COL4A6: variants seen among roughly 807,000 people sequenced by gnomAD.
COL4A6 encodes the protein collagen alpha-6(IV) chain.
A neutral mutation model predicts 126.7 loss-of-function variants in COL4A6; 59 were observed. The ratio of observed to expected loss-of-function variants is 0.47; its 90% CI spans 0.38 to 0.58. The LOEUF is 0.58. COL4A6 is among the 20% of genes least tolerant of loss of function. The pLI, the probability that COL4A6 is intolerant of heterozygous loss-of-function variation, is 0.00. For missense variants in COL4A6, 1,285 were observed against 1,337.3 expected, an observed-to-expected ratio of 0.96 and a Z score of 0.61; for synonymous variants, 547 against 496.6, an observed-to-expected ratio of 1.10 and a Z score of -1.35.
At chrX:108,294,558 T>C (rs1569412367) in intron 3 of COL4A6, among the ~76,000 whole-genome samples, 1 of 110,034 alleles carries the variant, frequency 9.1e-6, no homozygotes, top group African/African-American at 3.3e-5. Context: ...ATTGTTCCCT[T>C]TGGTGTTCCT....
intron 2 of COL4A6, among the ~76,000 whole-genome samples, chrX:108,411,204 A>G (rs2041320160): frequency 9.2e-6 from 1 of 108,148 alleles, no homozygotes; most frequent in East Asian, 2.8e-4. Context: ...AGTAAATCAT[A>G]ATTACATACA....
chrX:108,193,479 C>T, intron 17 of COL4A6, 149 bp downstream of exon 17: 3 of 471,724 alleles, frequency 6.4e-6, no homozygotes, highest in South Asian at 7.9e-5. Context: ...TAGCTTTATT[C>T]CCCAAGCTCA....
chrX:108,257,731 A>T (rs1232741224), intron 3 of COL4A6, among the ~76,000 whole-genome samples: 1 of 110,662 alleles, frequency 9.0e-6, no homozygotes, highest in African/African-American at 3.3e-5. Flanking sequence ...TCTCTTGCAT[A>T]TTTAATACGA....
At chrX:108,239,348 G>GGTGAC (rs2036516616) in intron 3 of COL4A6, among the ~76,000 whole-genome samples, 1 of 112,015 alleles carries the variant, frequency 8.9e-6, no homozygotes, top group Admixed American at 9.4e-5. Flanking sequence ...TCTATCCAGA[G>GGTGAC]GTCACCTTTG....
chrX:108,189,001 G>A (rs1648576857), intron 20 of COL4A6, among the ~76,000 whole-genome samples: 1 of 112,230 alleles, frequency 8.9e-6, no homozygotes, highest in African/African-American at 3.2e-5. Flanking sequence ...CTTTTCCCCT[G>A]ACTTTTGTAC....
At chrX:108,206,667 A>C (rs1425307673) in intron 8 of COL4A6, 87 bp from the exon 9 acceptor site, 1 of 783,296 alleles carries the variant, frequency 1.3e-6, no homozygotes, top group African/African-American at 2.0e-5. Flanking sequence ...GAACTGTACA[A>C]GAATGTTCAT....
chrX:108,393,503 T>C (rs1190906099), intron 2 of COL4A6, among the ~76,000 whole-genome samples: 1 of 111,949 alleles, frequency 8.9e-6, no homozygotes, highest in Non-Finnish European at 1.9e-5. Context: ...GAGGGATCAT[T>C]GCCCACAGCT....
At chrX:108,253,051 A>G (rs994173748) in intron 3 of COL4A6, among the ~76,000 whole-genome samples, 4 of 111,817 alleles carry the variant, frequency 3.6e-5, no homozygotes, top group African/African-American at 6.5e-5. Context: ...GCTGAATGAA[A>G]AAAAGTTGAA....
intron 3 of COL4A6, chrX:108,269,287 C>G (rs964986029): frequency 7.7e-6 from 2 of 258,075 alleles, no homozygotes; most frequent in East Asian, 1.1e-4. Context: ...CAGTGCAGAT[C>G]AGCTGGAAAC....
At chrX:108,405,260 A>C (rs761886504) in intron 2 of COL4A6, among the ~76,000 whole-genome samples, 1 of 108,705 alleles carries the variant, frequency 9.2e-6, no homozygotes, top group Non-Finnish European at 1.9e-5. Context: ...ATGCAGTGGC[A>C]TGATCTCGGC....
chrX:108,257,516 T>C (rs2037038670), intron 3 of COL4A6, among the ~76,000 whole-genome samples: 1 of 111,552 alleles, frequency 9.0e-6, no homozygotes, highest in South Asian at 3.8e-4. Flanking sequence ...AGAAAACTCC[T>C]CTGATCACTG....
At chrX:108,380,458 C>G (rs2040538632) in intron 2 of COL4A6, among the ~76,000 whole-genome samples, 1 of 112,318 alleles carries the variant, frequency 8.9e-6, no homozygotes, top group Non-Finnish European at 1.9e-5. Flanking sequence ...TTAAAATAGA[C>G]AGGAAACTGG....
chrX:108,387,251 G>GA lies in COL4A6; in HGVS notation c.63+50690dup, dbSNP rs750175329. On this transcript the variant is annotated intron_variant, in intron 2 of 44. Transcript: ENST00000334504. ...AAGTAGTTTTTTCCAATTCCGTGAAGAAAGTCAATGGTAGCTTGATGGGGA... is the reference window on the plus strand; with the variant it reads ...AAGTAGTTTTTTCCAATTCCGTGAAGAAAAGTCAATGGTAGCTTGATGGGGA... 2.7e-4 allele frequency among the ~76,000 whole-genome samples: 30 copies of GA among 112,151 alleles called. 1 individual carries two copies. The highest frequency in any genetic ancestry group is 4.7e-4 in the Non-Finnish European group (25 of 53,232).
chrX:108,243,972 TTC>T (rs1275682261), intron 3 of COL4A6, among the ~76,000 whole-genome samples: 1 of 112,300 alleles, frequency 8.9e-6, no homozygotes, highest in Non-Finnish European at 1.9e-5. Context: ...CGGTCACATT[TTC>T]TCTTTTAGTT....
At chrX:108,388,266 C>A (rs2040747461) in intron 2 of COL4A6, among the ~76,000 whole-genome samples, 1 of 111,719 alleles carries the variant, frequency 9.0e-6, no homozygotes, top group East Asian at 2.8e-4. Context: ...TTTTTCTATT[C>A]TTTGGAATAG....
Position 108,156,879 on chromosome X carries a change from C to A in COL4A6, c.*121G>T, listed in dbSNP as rs1217663626. 1.3e-6 allele frequency: 1 copy of A among 752,533 alleles called. No individual in the cohort carries two copies. The allele number at this position is 752,533 out of a possible 1,213,427, so 62.0% of individuals were successfully genotyped here. ...GTCCGGTAGTCTAGCCCAAATGAGA[C>A]TCCAATGTACAACTTGACAGGCAAA... is the stretch of plus-strand genomic sequence containing the variant. On this transcript the variant is annotated 3_prime_UTR_variant, in exon 45 of 45. Transcript: ENST00000334504.
chrX:108,278,535 C>T (rs6616681), intron 3 of COL4A6, among the ~76,000 whole-genome samples: 28,960 of 110,110 alleles, frequency 0.26, 3,211 homozygotes, highest in East Asian at 0.61. Context: ...CTGAAAGTGA[C>T]GGGGAGAATG....
At chrX:108,423,112 A>G (rs1372054702) in intron 2 of COL4A6, among the ~76,000 whole-genome samples, 1 of 112,159 alleles carries the variant, frequency 8.9e-6, no homozygotes, top group Non-Finnish European at 1.9e-5. Flanking sequence ...GATGCCCACT[A>G]TGTCAGTTTC....
Position 108,171,458 on chromosome X carries a change from T to C in COL4A6, c.3206A>G (p.Asp1069Gly). 2.5e-6 allele frequency: 3 copies of C among 1,205,129 alleles called. No individual in the cohort carries two copies. Among genetic ancestry groups the C allele is most frequent in the South Asian group, 1.8e-5 (1 of 56,401 alleles). ...GASGLPGLKG[D>G]NGQTVEISGS... Reference sequence around the variant, plus strand: ...GGAAATTTCAACTGTCTGGCCGTTGTCTCCTGAGGATTCCAATACATTGTT... The same window carrying C: ...GGAAATTTCAACTGTCTGGCCGTTGCCTCCTGAGGATTCCAATACATTGTT... Residue 1069 changes from aspartate (D) to glycine (G), a missense_variant, in exon 33 of 45, where the codon GAC (aspartate) becomes GGC (glycine). Coordinates refer to ENST00000334504, the MANE Select transcript of COL4A6 (RefSeq NM_033641.4).
Sources: gnomAD v4.1 joint callset for allele counts (sites outside exome capture counted in the v4.1 genomes callset) on GRCh38, gnomAD v4.1.1 for gene constraint, MANE v1.5 for transcripts, NCBI Gene and HGNC (gene_info 2026-07-23, HGNC 2026-07-21) for gene names.